Variants in KIFC1 observed in about 807,000 individuals in gnomAD.
KIFC1 encodes kinesin-like protein KIFC1.
A neutral mutation model predicts 66.6 loss-of-function variants in KIFC1; 37 were observed. The observed-to-expected ratio is 0.56, with a 90% CI of 0.43 to 0.73. The LOEUF (loss-of-function observed/expected upper bound fraction) is 0.73, where lower values mean the gene tolerates loss of function less well. Among genes scored for constraint, KIFC1 ranks in the 30% least tolerant of loss-of-function variants. The pLI is 0.00. For synonymous variants in KIFC1, 325 were observed against 343.5 expected (o/e 0.95, Z 0.60); for missense variants, 721 against 859.8 (o/e 0.84, Z 2.02).
In KIFC1 at chr6:33,404,134, G is replaced by A. The variant is rs771442953; in HGVS notation, c.756+5G>A. On this transcript the variant is annotated splice_donor_5th_base_variant and intron_variant, in intron 6 of 10. Coordinates refer to ENST00000428849, the MANE Select transcript of KIFC1 (RefSeq NM_002263.4). The surrounding 1 kb of genome is among the most constrained non-coding windows in gnomAD (Gnocchi z 4.0). ...TCCCAACTAGAGGAGAAGGAGGTAA[G>A]GGCCAGATTTTCACCAGATGTCAGC... is the stretch of plus-strand genomic sequence containing the variant. The A allele has an allele frequency of 2.7e-5, 43 of 1,598,150 alleles. No individual in the cohort carries two copies. In the Admixed American group the frequency reaches 5.3e-4, roughly 20 times the overall value.
At chr6:33,395,485 A>G (rs1774987524) in intron 1 of KIFC1, among the ~76,000 whole-genome samples, 2 of 152,164 alleles carry the variant, frequency 1.3e-5, no homozygotes, top group Admixed American at 1.3e-4. Context: ...TCCACCTCTG[A>G]TCTTGTGGTG....
upstream of KIFC1, chr6:33,391,676 T>C (rs1774787098): frequency 1.7e-6 from 1 of 571,852 alleles, no homozygotes; most frequent in Non-Finnish European, 3.1e-6. Flanking sequence ...CTACCTCTCC[T>C]GCGCCTGCGA....
chr6:33,405,729 G>A lies in KIFC1; in HGVS notation c.1536+98G>A. The A allele has an allele frequency of 2.4e-6, 3 of 1,246,746 alleles. No homozygotes were observed. Among genetic ancestry groups the A allele is most frequent in the Non-Finnish European group, 3.2e-6 (3 of 940,082 alleles). 77.2% of individuals were successfully genotyped at this position (1,246,746 alleles called of 1,614,324 possible). On this transcript the variant is annotated intron_variant, in intron 7 of 10. Transcript: ENST00000428849. The surrounding 1 kb of genome is among the most constrained non-coding windows in gnomAD (Gnocchi z 5.4). ...GAGAAAGGAGCAAGAGAGAATTGAA[G>A]GATGAAGTGCAAGTTATCAGGCTGG...
chr6:33,409,856 G>GT lies in KIFC1; in HGVS notation c.*166_*167insT. ...AGGGCTATCAAATAAAGAATAGTTT[G>GT]GTTTTTTTTTTAAATAAAGGTTTTA... On this transcript the variant is annotated 3_prime_UTR_variant, in exon 11 of 11. Transcript: ENST00000428849. 2 of 671,152 alleles carry GT rather than the reference G, an allele frequency of 3.0e-6. No individual in the cohort carries two copies. 41.6% of individuals were successfully genotyped at this position (671,152 alleles called of 1,614,324 possible). A position where few individuals can be genotyped will look rare whatever the true frequency, so the allele number is the denominator to read the frequency against.
Position 33,400,882 on chromosome 6 carries a change from G to C in KIFC1, c.251-2432G>C, listed in dbSNP as rs1289692129. Among the ~76,000 whole-genome samples, 5 of 152,174 alleles carry C rather than the reference G, an allele frequency of 3.3e-5. No individual in the cohort carries two copies. The highest frequency in any genetic ancestry group is 7.3e-5 in the Non-Finnish European group (5 of 68,046). On this transcript the variant is annotated intron_variant, in intron 3 of 10. Coordinates refer to ENST00000428849, the MANE Select transcript of KIFC1 (RefSeq NM_002263.4). The surrounding 1 kb of genome is among the most constrained non-coding windows in gnomAD (Gnocchi z 4.3). The stretch of plus-strand genomic sequence containing the variant: ...TTAGCCAGGATGGTCTCGATCTCCT[G>C]ACCTCGTGATCTGCCTGCCTCAGCT...
In KIFC1 at chr6:33,406,816, A is replaced by G; in HGVS notation, c.1918A>G (p.Ile640Val). Reference protein sequence around the residue: ...GSAKMLMFVNISPLEENVSES... With the variant: ...GSAKMLMFVNVSPLEENVSES... ...TTTTCATAGGCTCATGTTTGTGAAC[A>G]TTTCTCCACTGGAAGAGAACGTCTC... The change falls in exon 10 of 11, where the codon ATT (isoleucine) becomes GTT (valine). Residue 640 changes from isoleucine (I) to valine (V), a missense_variant. By Grantham distance (29) the Ile-to-Val change is conservative. Coordinates refer to ENST00000428849, the MANE Select transcript of KIFC1 (RefSeq NM_002263.4). This position sits in a 1 kb window ranked among gnomAD's most constrained non-coding sequence, Gnocchi z 4.5. The G allele has an allele frequency of 6.2e-7, 1 of 1,613,992 alleles. No homozygotes were observed. The highest frequency in any genetic ancestry group is 1.3e-5 in the African/African-American group (1 of 74,960).
intron 1 of KIFC1, among the ~76,000 whole-genome samples, chr6:33,396,436 C>CTTTTTTTTTTTTTTTT (rs199749552): frequency 3.4e-5 from 4 of 116,258 alleles, no homozygotes; most frequent in African/African-American, 1.0e-4. Context: ...CTTTTCTTTT[C>CTTTTTTTTTTTTTTTT]TTTTTTTTTT....
Position 33,404,318 on chromosome 6 carries a change from T to C in KIFC1, c.756+189T>C, listed in dbSNP as rs1256666085. On this transcript the variant is annotated intron_variant, in intron 6 of 10. Transcript: ENST00000428849. The surrounding 1 kb of genome is among the most constrained non-coding windows in gnomAD (Gnocchi z 4.0). The stretch of plus-strand genomic sequence containing the variant: ...CCCAGCCCACTCCTGACTGTCTTGC[T>C]TTCTGCCACGCTTCTTCCTACCCTT... Among the ~76,000 whole-genome samples, 1 of 152,204 alleles carries C rather than the reference T, an allele frequency of 6.6e-6. No homozygotes were observed. Among genetic ancestry groups the C allele is most frequent in the Non-Finnish European group, 1.5e-5 (1 of 68,038 alleles).
In KIFC1 at chr6:33,396,533, T is replaced by A. The variant is rs1378587427; in HGVS notation, c.13-1496T>A. Among the ~76,000 whole-genome samples, 5 of 147,614 alleles carry A rather than the reference T, an allele frequency of 3.4e-5. No individual in the cohort carries two copies. The East Asian group carries it at 8.1e-4, about 24-fold the overall frequency. On this transcript the variant is annotated intron_variant, in intron 1 of 10. Coordinates refer to ENST00000428849, the MANE Select transcript of KIFC1 (RefSeq NM_002263.4). ...TGATCACGGCTCACTGCAGCCTTGATCTGGGCCCAAGCCATCCTCCCACCT... is the reference window on the plus strand; with the variant it reads ...TGATCACGGCTCACTGCAGCCTTGAACTGGGCCCAAGCCATCCTCCCACCT...
rs754463582 is a variant in KIFC1, at chr6:33,405,135, G to T, written c.1040G>T (p.Arg347Leu). Residue 347 changes from arginine to leucine, a missense_variant, in exon 7 of 11, where the codon CGC becomes CTC. Coordinates refer to ENST00000428849, the MANE Select transcript of KIFC1 (RefSeq NM_002263.4). This position sits in a 1 kb window ranked among gnomAD's most constrained non-coding sequence, Gnocchi z 5.4. ...GGTGGGCCCTCTGATCCTCCAACCC[G>T]CCTTAGCCTCTCCCGGTCTGACGAG... is the stretch of plus-strand genomic sequence containing the variant. Reference protein sequence around the residue: ...GPGGPSDPPTRLSLSRSDERR... With the variant: ...GPGGPSDPPTLLSLSRSDERR... 1 of 1,614,080 alleles carries T rather than the reference G, an allele frequency of 6.2e-7. No individual in the cohort carries two copies. Among genetic ancestry groups the T allele is most frequent in the Non-Finnish European group, 8.5e-7 (1 of 1,180,016 alleles).
In KIFC1 at chr6:33,409,748, TGTGTG is replaced by T; in HGVS notation, c.*59_*63del. 1 of 1,432,332 alleles carries T rather than the reference TGTGTG, an allele frequency of 7.0e-7. No homozygotes were observed. Among genetic ancestry groups the T allele is most frequent in the Admixed American group, 1.7e-5 (1 of 58,610 alleles). The allele number at this position is 1,432,332 out of a possible 1,614,324, so 88.7% of individuals were successfully genotyped here. On this transcript the variant is annotated 3_prime_UTR_variant, in exon 11 of 11. Coordinates refer to ENST00000428849, the MANE Select transcript of KIFC1 (RefSeq NM_002263.4). ...GTGTGTGTGTGTGTGTGTGTGTGTG[TGTGTG>T]TCCCTATGTCTATGTATCGGGTGAG... is the stretch of plus-strand genomic sequence containing the variant.
rs749912356 is a variant in KIFC1, at chr6:33,403,776, C to A, written c.403C>A (p.Pro135Thr). The A allele has an allele frequency of 6.2e-7, 1 of 1,614,124 alleles. No homozygotes were observed. The highest frequency in any genetic ancestry group is 1.1e-5 in the South Asian group (1 of 91,072). ...MAGGKKPSKR[P>T]AWDLKGQLCD... Reference sequence around the variant, plus strand: ...AGGAGGGAAGAAACCCAGCAAACGTCCAGCCTGGGACTTAAAGGGTCAGTT... The same window carrying A: ...AGGAGGGAAGAAACCCAGCAAACGTACAGCCTGGGACTTAAAGGGTCAGTT... The change falls in exon 6 of 11, where the codon CCA becomes ACA. Residue 135 changes from proline (P) to threonine (T), a missense_variant. Physicochemically the swap from Pro to Thr is conservative, Grantham distance 38. Transcript: ENST00000428849. The surrounding 1 kb of genome is among the most constrained non-coding windows in gnomAD (Gnocchi z 4.6).
intron 1 of KIFC1, among the ~76,000 whole-genome samples, chr6:33,396,987 C>CTTTTTT (rs9282514): frequency 1.1e-4 from 10 of 89,222 alleles, no homozygotes; most frequent in Non-Finnish European, 1.7e-4. Context: ...TGGCCAAGTT[C>CTTTTTT]TTTTTTTTTT....
At chr6:33,402,302 T>C (rs1453980585) in intron 3 of KIFC1, among the ~76,000 whole-genome samples, 3 of 152,206 alleles carry the variant, frequency 2.0e-5, no homozygotes, top group African/African-American at 7.2e-5. Flanking sequence ...TTAGCTCCAT[T>C]ATAATGTTAC....
rs1775524409 is a variant in KIFC1, at chr6:33,404,260, G to A, written c.756+131G>A. The A allele has an allele frequency of 2.4e-6, 2 of 826,580 alleles. No individual in the cohort carries two copies. Among genetic ancestry groups the A allele is most frequent in the Non-Finnish European group, 3.7e-6 (2 of 541,144 alleles). 51.2% of individuals were successfully genotyped at this position (826,580 alleles called of 1,614,324 possible). A position where few individuals can be genotyped will look rare whatever the true frequency, so the allele number is the denominator to read the frequency against. On this transcript the variant is annotated intron_variant, in intron 6 of 10. Coordinates refer to ENST00000428849, the MANE Select transcript of KIFC1 (RefSeq NM_002263.4). The surrounding 1 kb of genome is among the most constrained non-coding windows in gnomAD (Gnocchi z 4.0). ...ACCTATCTTTAGCAGTATAGGTGCT[G>A]CTGAAGATACCTCTCTCTTGACCTG...
chr6:33,393,769 AAGT>A (rs1774904633), intron 1 of KIFC1, among the ~76,000 whole-genome samples: 1 of 122,852 alleles, frequency 8.1e-6, no homozygotes, highest in Non-Finnish European at 1.6e-5. Flanking sequence ...TTTTTTTGAG[AAGT>A]AGTCACGCTC....
At chr6:33,395,216 G>T (rs973836973) in intron 1 of KIFC1, among the ~76,000 whole-genome samples, 2 of 152,188 alleles carry the variant, frequency 1.3e-5, no homozygotes, top group African/African-American at 4.8e-5. Flanking sequence ...GTTTTGCTGC[G>T]AAAGGCGGCA....
At position 33,406,219 on chromosome 6, in the gene KIFC1, C is replaced by A; in HGVS notation, c.1560C>A (p.Ala520=). ...AGGTGGACGCCCTGCTTCATCTGGC[C>A]CGCCAGAATCGGGCTGTGGCCCGCA... ...EKEVDALLHL[A]RQNRAVARTA... The change falls in exon 8 of 11, where the codon GCC becomes GCA. Residue 520 remains alanine (A), a synonymous_variant. Transcript: ENST00000428849. The surrounding 1 kb of genome is among the most constrained non-coding windows in gnomAD (Gnocchi z 4.5). 6.2e-7 allele frequency: 1 copy of A among 1,608,300 alleles called. No homozygotes were observed. Among genetic ancestry groups the A allele is most frequent in the Non-Finnish European group, 8.5e-7 (1 of 1,175,882 alleles).
chr6:33,409,563 G>A, intron 10 of KIFC1, 83 bp from the exon 11 acceptor site: 1 of 1,340,970 alleles, frequency 7.5e-7, no homozygotes, highest in South Asian at 1.2e-5. Context: ...GGCAGCCCTA[G>A]CATTGGAGGA....
Sources: gnomAD v4.1 joint callset for allele counts (sites outside exome capture counted in the v4.1 genomes callset) on GRCh38, gnomAD v4.1.1 for gene constraint, Gnocchi (gnomAD v3.1) non-coding constraint, MANE v1.5 for transcripts, NCBI Gene and HGNC (gene_info 2026-07-23, HGNC 2026-07-21) for gene names.